The following MORC3 variants were observed in gnomAD, a reference collection of about 807,000 sequenced individuals.
MORC3 encodes the protein MORC family CW-type zinc finger protein 3.
A neutral mutation model predicts 109.1 loss-of-function variants in MORC3; 31 were observed. The ratio of observed to expected loss-of-function variants is 0.28; its 90% CI spans 0.21 to 0.38. The LOEUF is 0.38. Ranked by LOEUF, MORC3 falls within the 10% of genes least tolerant of loss-of-function variation. The pLI is 1.00. For synonymous variants in MORC3, 395 were observed against 380.7 expected (o/e 1.04, Z -0.44); for missense variants, 867 against 1,135.8 (o/e 0.76, Z 3.40).
chr21:36,333,572 G>A (rs2085338844), intron 1 of MORC3, 74 bp from the exon 2 acceptor site: 1 of 1,218,488 alleles, frequency 8.2e-7, no homozygotes, highest in South Asian at 1.2e-5. Context: ...GTTTAACACA[G>A]GGATAAAAAT....
intron 1 of MORC3, among the ~76,000 whole-genome samples, chr21:36,326,679 A>C (rs1021999003): frequency 6.6e-6 from 1 of 152,190 alleles, no homozygotes; most frequent in Non-Finnish European, 1.5e-5. Flanking sequence ...CAGTGGAATT[A>C]TACAATATTT....
chr21:36,320,457 T>A (rs2085178028), intron 1 of MORC3, 154 bp downstream of exon 1: 1 of 659,692 alleles, frequency 1.5e-6, no homozygotes. Context: ...CTCGCTCCCG[T>A]CGGCGGAACA....
intron 7 of MORC3, 68 bp downstream of exon 7, chr21:36,344,775 T>C: frequency 6.3e-7 from 1 of 1,591,920 alleles, no homozygotes. Flanking sequence ...CCTTTCCCCT[T>C]ATATGCTGAT....
chr21:36,331,889 C>T (rs2085319439), intron 1 of MORC3, among the ~76,000 whole-genome samples: 1 of 152,282 alleles, frequency 6.6e-6, no homozygotes, highest in African/African-American at 2.4e-5. Context: ...CCTGCAATCC[C>T]AGCACTTTGG....
intron 1 of MORC3, among the ~76,000 whole-genome samples, chr21:36,329,729 A>G (rs555011345): frequency 2.6e-5 from 4 of 152,376 alleles, no homozygotes; most frequent in Admixed American, 6.5e-5. Context: ...TAACAAGGAA[A>G]GAAATAAAAA....
intron 16 of MORC3, among the ~76,000 whole-genome samples, chr21:36,374,031 C>G (rs544510387): frequency 6.6e-6 from 1 of 152,252 alleles, no homozygotes; most frequent in East Asian, 1.9e-4. Context: ...AACCATTGTT[C>G]TCTGTAAATG....
In MORC3 at chr21:36,320,370, C is replaced by A. The variant is rs909989839; in HGVS notation, c.39+67C>A. The A allele has an allele frequency of 7.1e-6, 9 of 1,275,660 alleles. 1 individual carries two copies. In the South Asian group the frequency reaches 2.0e-4, roughly 29 times the overall value. The allele number at this position is 1,275,660 out of a possible 1,614,324, so 79.0% of individuals were successfully genotyped here. On this transcript the variant is annotated intron_variant, in intron 1 of 16. Transcript: ENST00000400485. ...GGCGGGCGGGCAAGCGAAGGGGGGC[C>A]GGCAGTGGGCGGTGGCGGCTTGTGG... is the stretch of plus-strand genomic sequence containing the variant.
chr21:36,370,552 A>G (rs1025806602), intron 15 of MORC3, among the ~76,000 whole-genome samples: 16 of 145,994 alleles, frequency 1.1e-4, no homozygotes, highest in African/African-American at 3.6e-4. Context: ...TATGTCTTTC[A>G]AGATTCCTGA....
chr21:36,328,679 G>C (rs921739736), intron 1 of MORC3, among the ~76,000 whole-genome samples: 3 of 151,922 alleles, frequency 2.0e-5, no homozygotes, highest in Non-Finnish European at 4.4e-5. Flanking sequence ...GTTTCACCAT[G>C]TCAACGAGGC....
rs962675257 is a variant in MORC3 at position 36,360,380 on chromosome 21, G to A, written c.1406+122G>A. ...CTGTAACTGAAAAAGTTTATAATGT[G>A]GAGTGCGTAATATCAAGGGCTTTAA... On this transcript the variant is annotated intron_variant, in intron 12 of 16. Coordinates refer to ENST00000400485, the MANE Select transcript of MORC3 (RefSeq NM_015358.3). 8.2e-6 allele frequency: 8 copies of A among 980,234 alleles called. No homozygotes were observed. The African/African-American group carries it at 1.2e-4, about 14-fold the overall frequency. 60.7% of individuals were successfully genotyped at this position (980,234 alleles called of 1,614,324 possible).
At chr21:36,375,068 T>C in intron 16 of MORC3, 75 bp from the exon 17 acceptor site, 1 of 1,399,560 alleles carries the variant, frequency 7.1e-7, no homozygotes, top group Non-Finnish European at 9.7e-7. Flanking sequence ...TTGATTTTGA[T>C]ATTTTACTTT....
At chr21:36,340,723 G>A (rs1277372210) in intron 5 of MORC3, among the ~76,000 whole-genome samples, 8 of 143,220 alleles carry the variant, frequency 5.6e-5, no homozygotes, top group Admixed American at 4.5e-4. Flanking sequence ...TGCAACCTCC[G>A]CCCACCGGGT....
intron 8 of MORC3, chr21:36,347,889 A>T (rs1437999167): frequency 6.6e-6 from 1 of 152,242 alleles, no homozygotes; most frequent in Non-Finnish European, 1.5e-5. Flanking sequence ...GAGAGACAGG[A>T]TAAGGCTGGA....
intron 14 of MORC3, 83 bp downstream of exon 14, chr21:36,364,342 G>A (rs1025282202): frequency 2.9e-6 from 4 of 1,398,672 alleles, no homozygotes; most frequent in African/African-American, 2.9e-5. Context: ...GATGCAATTC[G>A]GGATCATTGT....
intron 1 of MORC3, among the ~76,000 whole-genome samples, chr21:36,321,060 G>C (rs536289943): frequency 6.6e-6 from 1 of 152,322 alleles, no homozygotes; most frequent in South Asian, 2.1e-4. Flanking sequence ...TTGATGTTAT[G>C]CTGAAATGTT....
chr21:36,324,098 C>G (rs1376768309), intron 1 of MORC3, among the ~76,000 whole-genome samples: 1 of 152,162 alleles, frequency 6.6e-6, no homozygotes, highest in East Asian at 1.9e-4. Context: ...TGGTCTTGAA[C>G]TTCCGACCTC....
At chr21:36,355,773 C>T (rs1032900968) in intron 9 of MORC3, among the ~76,000 whole-genome samples, 1 of 151,582 alleles carries the variant, frequency 6.6e-6, no homozygotes, top group African/African-American at 2.4e-5. Flanking sequence ...AAAAGCAATA[C>T]CCTGTCTCTA....
chr21:36,358,233 A>G lies in MORC3; in HGVS notation c.1208+1509A>G, dbSNP rs559925678. 5.2e-4 allele frequency among the ~76,000 whole-genome samples: 79 copies of G among 151,934 alleles called. 1 individual carries two copies. The highest frequency in any genetic ancestry group is 1.8e-3 in the African/African-American group (75 of 41,488). On this transcript the variant is annotated intron_variant, in intron 10 of 16. Transcript: ENST00000400485. ...AACCCTGTCTCTACTGAAAATACAA[A>G]AAGTAGCCAGGCATAGTGGTGCACA... is the stretch of plus-strand genomic sequence containing the variant.
intron 6 of MORC3, among the ~76,000 whole-genome samples, chr21:36,343,449 CT>C (rs147660327): frequency 0.088 from 11,122 of 125,958 alleles, 752 homozygotes; most frequent in African/African-American, 0.23. Context: ...TTTTTGCTTT[CT>C]TTTTTTTTTT....
Sources: gnomAD v4.1 joint callset for allele counts (sites outside exome capture counted in the v4.1 genomes callset) on GRCh38, gnomAD v4.1.1 for gene constraint, MANE v1.5 for transcripts, NCBI Gene and HGNC (gene_info 2026-07-23, HGNC 2026-07-21) for gene names.